ABLIM3: variants seen among roughly 807,000 people sequenced by gnomAD.
The protein encoded by ABLIM3 is actin-binding LIM protein 3.
A neutral mutation model predicts 109.5 loss-of-function variants in ABLIM3; 61 were observed. That is an observed-to-expected ratio of 0.56 (90% confidence interval 0.45 to 0.69). ABLIM3 has a LOEUF of 0.69. ABLIM3 is among the 30% of genes least tolerant of loss of function. The probability of loss-of-function intolerance (pLI) is 0.00; values close to 1 mark genes in which losing one functional copy is unlikely to be tolerated. For missense variants in ABLIM3, 796 were observed against 889.5 expected (o/e 0.89, Z 1.34); for synonymous variants, 300 against 324.8 (o/e 0.92, Z 0.82).
intron 2 of ABLIM3, among the ~76,000 whole-genome samples, chr5:149,159,633 C>T (rs1169480812): frequency 1.3e-5 from 2 of 152,190 alleles, no homozygotes; most frequent in African/African-American, 4.8e-5. Flanking sequence ...CTCAGCTCTC[C>T]TGCTAACTCT....
intron 3 of ABLIM3, among the ~76,000 whole-genome samples, chr5:149,192,624 CAAAAAAAAAAAAGAA>C (rs201068297): frequency 0.035 from 1,767 of 50,214 alleles, 79 homozygotes; most frequent in East Asian, 0.29. Flanking sequence ...GACTCCGTCT[CAAAAAAAAAAAAGAA>C]AAAAAAAAAA....
At chr5:149,176,990 C>T (rs931484755) in intron 2 of ABLIM3, 1 of 152,256 alleles carries the variant, frequency 6.6e-6, no homozygotes, top group Non-Finnish European at 1.5e-5. Flanking sequence ...GTGAGCTTTT[C>T]TTGTCCTCTT....
At chr5:149,248,426 T>C (rs1753603216) in intron 18 of ABLIM3, among the ~76,000 whole-genome samples, 1 of 152,088 alleles carries the variant, frequency 6.6e-6, no homozygotes, top group Non-Finnish European at 1.5e-5. Flanking sequence ...GCGCAGTGGC[T>C]CATGACTGTA....
At position 149,147,069 on chromosome 5, in the gene ABLIM3, T is replaced by TTCTCTCTCTCTCTC. The variant is rs200724498; in HGVS notation, c.13+4968_13+4981dup. The stretch of plus-strand genomic sequence containing the variant: ...ATATTCCTAGGGTTTCTCTCTCTCT[T>TTCTCTCTCTCTCTC]TCTCTCTCTCTCTCTCTCTCGCTCG... On this transcript the variant is annotated intron_variant, in intron 2 of 23. Transcript: ENST00000309868. 4.9e-3 allele frequency among the ~76,000 whole-genome samples: 734 copies of TTCTCTCTCTCTCTC among 148,728 alleles called. 24 individuals are homozygous for TTCTCTCTCTCTCTC. In the East Asian group the frequency reaches 0.07, roughly 14 times the overall value.
intron 7 of ABLIM3, among the ~76,000 whole-genome samples, chr5:149,215,399 T>G (rs1759967296): frequency 1.3e-5 from 2 of 152,052 alleles, no homozygotes; most frequent in African/African-American, 4.8e-5. Context: ...GAAAAAGGAA[T>G]ATTGGAGATT....
At chr5:149,250,635 G>C in intron 20 of ABLIM3, 130 bp downstream of exon 20, 2 of 1,048,522 alleles carry the variant, frequency 1.9e-6, no homozygotes, top group African/African-American at 1.6e-5. Context: ...TGACACAACT[G>C]TATGGCAATG....
chr5:149,187,483 A>G (rs1757069997), intron 3 of ABLIM3, among the ~76,000 whole-genome samples: 1 of 152,228 alleles, frequency 6.6e-6, no homozygotes, highest in Non-Finnish European at 1.5e-5. Context: ...GTATTCAGCA[A>G]AACTATCTTT....
rs753335721 is a variant in ABLIM3 at position 149,240,730 on chromosome 5, C to G, written c.1259C>G (p.Ser420Cys). ...CATAGCCAGTTAGATGTGAGGTCCT[C>G]CACTCCAACCTCTTACCAGGCTCCC... ...PYHSQLDVRS[S>C]TPTSYQAPKH... is the part of the protein sequence containing the mutation. Residue 420 changes from serine to cysteine, a missense_variant, in exon 14 of 24, where the codon TCC (serine) becomes TGC (cysteine). Physicochemically the swap from Ser to Cys is moderately radical, Grantham distance 112. Coordinates refer to ENST00000309868, the MANE Select transcript of ABLIM3 (RefSeq NM_014945.5). 1 of 1,614,172 alleles carries G rather than the reference C, an allele frequency of 6.2e-7. No individual in the cohort carries two copies. The highest frequency in any genetic ancestry group is 2.2e-5 in the East Asian group (1 of 44,882).
At chr5:149,167,919 T>C (rs1473277604) in intron 2 of ABLIM3, among the ~76,000 whole-genome samples, 2 of 152,078 alleles carry the variant, frequency 1.3e-5, no homozygotes, top group African/African-American at 2.4e-5. Context: ...CCATGGAAAG[T>C]AGGATTTCTC....
At chr5:149,204,046 T>C (rs2127503798) in intron 5 of ABLIM3, among the ~76,000 whole-genome samples, 1 of 152,312 alleles carries the variant, frequency 6.6e-6, no homozygotes, top group South Asian at 2.1e-4. Context: ...TTGGGAAGTG[T>C]CTAGTCTTCC....
At chr5:149,212,874 C>T (rs1581143699) in intron 7 of ABLIM3, among the ~76,000 whole-genome samples, 1 of 152,250 alleles carries the variant, frequency 6.6e-6, no homozygotes, top group Non-Finnish European at 1.5e-5. Context: ...CCTGTAATCC[C>T]AGCACTTTGG....
chr5:149,175,865 A>G (rs997741112), intron 2 of ABLIM3, among the ~76,000 whole-genome samples: 3 of 152,174 alleles, frequency 2.0e-5, no homozygotes, highest in African/African-American at 7.2e-5. Flanking sequence ...CCGTTCTGAC[A>G]CATGTCCTGA....
intron 3 of ABLIM3, among the ~76,000 whole-genome samples, chr5:149,190,346 A>G (rs1332374947): frequency 1.3e-5 from 2 of 152,206 alleles, no homozygotes; most frequent in African/African-American, 4.8e-5. Context: ...TACATTTTAA[A>G]TTGTTGAGTT....
chr5:149,245,096 C>G, intron 16 of ABLIM3, 81 bp downstream of exon 16: 2 of 1,551,498 alleles, frequency 1.3e-6, no homozygotes, highest in Non-Finnish European at 1.8e-6. Context: ...TTGCCCACTC[C>G]TTTATACAAT....
chr5:149,256,465 A>G (rs1754435866), intron 23 of ABLIM3, among the ~76,000 whole-genome samples: 1 of 152,256 alleles, frequency 6.6e-6, no homozygotes, highest in Non-Finnish European at 1.5e-5. Flanking sequence ...GCAGGGTCTT[A>G]GGGATCTAAC....
At chr5:149,214,579 C>G (rs1759865934) in intron 7 of ABLIM3, among the ~76,000 whole-genome samples, 1 of 152,122 alleles carries the variant, frequency 6.6e-6, no homozygotes, top group Non-Finnish European at 1.5e-5. Flanking sequence ...GGTAGCCCCA[C>G]CAAGGAAAGG....
At position 149,169,833 on chromosome 5, in the gene ABLIM3, T is replaced by C. The variant is rs557016809; in HGVS notation, c.14-13619T>C. Among the ~76,000 whole-genome samples, 371 of 152,278 alleles carry C rather than the reference T, an allele frequency of 2.4e-3. 2 individuals are homozygous for C. The highest frequency in any genetic ancestry group is 0.016 in the South Asian group (79 of 4,822). ...TATGGCTCATGTTAGATACAGGAGGTGTATCAGCATGAAGTGGTCCTGAAA... is the reference window on the plus strand; with the variant it reads ...TATGGCTCATGTTAGATACAGGAGGCGTATCAGCATGAAGTGGTCCTGAAA... On this transcript the variant is annotated intron_variant, in intron 2 of 23. Coordinates refer to ENST00000309868, the MANE Select transcript of ABLIM3 (RefSeq NM_014945.5).
chr5:149,144,847 C>A (rs1752776092), intron 2 of ABLIM3, among the ~76,000 whole-genome samples: 2 of 152,220 alleles, frequency 1.3e-5, no homozygotes. Flanking sequence ...CATGAGATTA[C>A]AATCATCCCT....
At chr5:149,220,647 C>G (rs183637432) in intron 8 of ABLIM3, 1 of 152,146 alleles carries the variant, frequency 6.6e-6, no homozygotes, top group African/African-American at 2.4e-5. Context: ...TATGATATCC[C>G]CCAGAATTGG....
Sources: gnomAD v4.1 joint callset for allele counts (sites outside exome capture counted in the v4.1 genomes callset) on GRCh38, gnomAD v4.1.1 for gene constraint, MANE v1.5 for transcripts, NCBI Gene and HGNC (gene_info 2026-07-23, HGNC 2026-07-21) for gene names.